Variants in UBXN7 observed in about 807,000 individuals in gnomAD.
UBXN7 encodes the protein UBX domain protein 7.
UBXN7 carries 9 observed loss-of-function variants against 58.0 expected under a neutral mutation model. The ratio of observed to expected loss-of-function variants is 0.16; its 90% confidence interval spans 0.09 to 0.27. The LOEUF is 0.27. UBXN7 is among the 10% of genes least tolerant of loss of function. UBXN7 has a pLI of 1.00. For synonymous variants in UBXN7, 208 were observed against 205.0 expected, an observed-to-expected ratio of 1.01 and a Z score of -0.12; for missense variants, 328 against 599.6, an observed-to-expected ratio of 0.55 and a Z score of 4.73.
intron 4 of UBXN7, among the ~76,000 whole-genome samples, chr3:196,393,312 T>C (rs1729642019): frequency 6.6e-6 from 1 of 152,240 alleles, no homozygotes; most frequent in African/African-American, 2.4e-5. Context: ...CACAAGCGAA[T>C]TAAGTTTATC....
At chr3:196,402,124 A>G (rs1730014863) in intron 3 of UBXN7, among the ~76,000 whole-genome samples, 1 of 152,070 alleles carries the variant, frequency 6.6e-6, no homozygotes, top group Non-Finnish European at 1.5e-5. Flanking sequence ...CGGTTTAAGC[A>G]ATTCTCATGC....
chr3:196,385,111 T>C (rs1424117134), intron 5 of UBXN7, among the ~76,000 whole-genome samples: 1 of 152,200 alleles, frequency 6.6e-6, no homozygotes, highest in Non-Finnish European at 1.5e-5. Flanking sequence ...TGCCTGATTC[T>C]CCTGCCTCAG....
chr3:196,394,923 A>G (rs1729723427), intron 3 of UBXN7, among the ~76,000 whole-genome samples: 1 of 152,238 alleles, frequency 6.6e-6, no homozygotes, highest in African/African-American at 2.4e-5. Flanking sequence ...CTACCCCTGT[A>G]GAGTGTCTAT....
At chr3:196,422,616 T>C (rs1270613577) in intron 1 of UBXN7, among the ~76,000 whole-genome samples, 1 of 152,226 alleles carries the variant, frequency 6.6e-6, no homozygotes, top group Non-Finnish European at 1.5e-5. Context: ...GTCAAATTCC[T>C]GGCCTAGAGC....
At chr3:196,390,223 A>G (rs921041725) in intron 5 of UBXN7, among the ~76,000 whole-genome samples, 1 of 151,958 alleles carries the variant, frequency 6.6e-6, no homozygotes, top group Non-Finnish European at 1.5e-5. Context: ...TGTCTCAAAA[A>G]AAAAAGACAA....
chr3:196,377,311 G>A (rs1163993793), intron 5 of UBXN7, among the ~76,000 whole-genome samples: 1 of 152,124 alleles, frequency 6.6e-6, no homozygotes, highest in Non-Finnish European at 1.5e-5. Context: ...CTTCTTGACG[G>A]TACCAGCTCT....
intron 3 of UBXN7, among the ~76,000 whole-genome samples, chr3:196,394,796 T>C (rs959392266): frequency 7.2e-5 from 11 of 152,138 alleles, no homozygotes; most frequent in Non-Finnish European, 1.5e-5. Context: ...AGGGATTGGA[T>C]TGGACCCACG....
At position 196,391,488 on chromosome 3, in the gene UBXN7, T is replaced by C. The variant is rs1729580258; in HGVS notation, c.468+325A>G. On this transcript the variant is annotated intron_variant, in intron 5 of 10. Coordinates refer to ENST00000296328, the MANE Select transcript of UBXN7 (RefSeq NM_015562.2). ...GCTCACACCTATAATCCAAGCAGTT[T>C]GGGAGGCTGAGGCAAGAGGATTGCT... Among the ~76,000 whole-genome samples the C allele has an allele frequency of 2.0e-5, 3 of 151,966 alleles. No individual in the cohort carries two copies. The South Asian group carries it at 6.2e-4, about 32-fold the overall frequency.
intron 6 of UBXN7, among the ~76,000 whole-genome samples, chr3:196,371,567 CGCTACCCGG>C (rs1728833027): frequency 6.6e-6 from 1 of 152,070 alleles, no homozygotes; most frequent in Non-Finnish European, 1.5e-5. Context: ...CTGCAGTCTC[CGCTACCCGG>C]GTTCAAGTGA....
intron 5 of UBXN7, among the ~76,000 whole-genome samples, chr3:196,383,568 A>C (rs1245162014): frequency 6.6e-6 from 1 of 152,214 alleles, no homozygotes; most frequent in Admixed American, 6.5e-5. Context: ...TCCTCAGCAA[A>C]TGCAAAAGAA....
At chr3:196,372,281 T>C (rs1326773843) in intron 5 of UBXN7, among the ~76,000 whole-genome samples, 1 of 151,602 alleles carries the variant, frequency 6.6e-6, no homozygotes, top group South Asian at 2.1e-4. Context: ...TTTATCCAGT[T>C]ATTTGTTATA....
At chr3:196,391,971 T>G in intron 4 of UBXN7, 46 bp from the exon 5 acceptor site, 2 of 448,020 alleles carry the variant, frequency 4.5e-6, no homozygotes, top group South Asian at 2.9e-5. Flanking sequence ...TAATCATGAA[T>G]CACACTGAAA....
In UBXN7 at chr3:196,407,024, G is replaced by A. The variant is rs572081668; in HGVS notation, c.221+222C>T. Reference sequence around the variant, plus strand: ...ACACTCCAACCAACCCCATCTCCCCGACTTCACAGAGCCTACACGGTTCCT... The same window carrying A: ...ACACTCCAACCAACCCCATCTCCCCAACTTCACAGAGCCTACACGGTTCCT... On this transcript the variant is annotated intron_variant, in intron 2 of 10. Transcript: ENST00000296328. 8.5e-5 allele frequency among the ~76,000 whole-genome samples: 13 copies of A among 152,138 alleles called. No homozygotes were observed. The East Asian group carries it at 1.6e-3, about 18-fold the overall frequency.
At chr3:196,377,820 A>G (rs903413531) in intron 5 of UBXN7, among the ~76,000 whole-genome samples, 1 of 151,848 alleles carries the variant, frequency 6.6e-6, no homozygotes, top group African/African-American at 2.4e-5. Context: ...ACAGGTGTGC[A>G]CCACCACGTC....
Position 196,348,923 on chromosome 3 carries a change from C to CAAACAAAACAAAACAAAACAAAACA in UBXN7, c.*7737_*7761dup, listed in dbSNP as rs368311889. On this transcript the variant is annotated 3_prime_UTR_variant, in exon 11 of 11. Coordinates refer to ENST00000296328, the MANE Select transcript of UBXN7 (RefSeq NM_015562.2). ...CTCGAAAAAGGACTTTCCTGAAGGGCAAACAAAACAAAACAAAACAAAACA... is the reference window on the plus strand; with the variant it reads ...CTCGAAAAAGGACTTTCCTGAAGGGCAAACAAAACAAAACAAAACAAAACAAAACAAAACAAAACAAAACAAAACA... The CAAACAAAACAAAACAAAACAAAACA allele has an allele frequency of 4.6e-5, 7 of 151,530 alleles. No individual in the cohort carries two copies. Among genetic ancestry groups the CAAACAAAACAAAACAAAACAAAACA allele is most frequent in the African/African-American group, 1.7e-4 (7 of 41,096 alleles). 9.4% of individuals were successfully genotyped at this position (151,530 alleles called of 1,614,324 possible). A position where few individuals can be genotyped will look rare whatever the true frequency, so the allele number is the denominator to read the frequency against.
At chr3:196,424,082 G>A (rs1389182859) in intron 1 of UBXN7, among the ~76,000 whole-genome samples, 1 of 151,648 alleles carries the variant, frequency 6.6e-6, no homozygotes, top group Non-Finnish European at 1.5e-5. Flanking sequence ...GTGGAGACAG[G>A]GTTTCACCAT....
chr3:196,389,962 T>C (rs1041153596), intron 5 of UBXN7, among the ~76,000 whole-genome samples: 1 of 152,204 alleles, frequency 6.6e-6, no homozygotes, highest in Non-Finnish European at 1.5e-5. Context: ...CTCATGCCTG[T>C]AATCCCAGCA....
rs756187610 is a variant in UBXN7 at position 196,391,799 on chromosome 3, C to T, written c.468+14G>A. 2 of 1,583,488 alleles carry T rather than the reference C, an allele frequency of 1.3e-6. No homozygotes were observed. The highest frequency in any genetic ancestry group is 1.2e-5 in the South Asian group (1 of 86,942). On this transcript the variant is annotated intron_variant, in intron 5 of 10. Transcript: ENST00000296328. ...AGGATTCATAGTTAAGGCACTGACT[C>T]TCCAACAACTTACTGTTTCAAAGCT...
chr3:196,352,505 C>G lies in UBXN7; in HGVS notation c.*4180G>C, dbSNP rs540252042. On this transcript the variant is annotated 3_prime_UTR_variant, in exon 11 of 11. Transcript: ENST00000296328. This position sits in a 1 kb window ranked among gnomAD's most constrained non-coding sequence, Gnocchi z 4.1. The stretch of plus-strand genomic sequence containing the variant: ...AGGTGATCCACCCACCTCGGCCTCC[C>G]AAAATATTGGGATTACAGGCATGAG... The G allele has an allele frequency of 6.6e-6, 1 of 152,144 alleles. No individual in the cohort carries two copies. Among genetic ancestry groups the G allele is most frequent in the South Asian group, 2.1e-4 (1 of 4,806 alleles). The allele number at this position is 152,144 out of a possible 1,614,324, so 9.4% of individuals were successfully genotyped here. A position where few individuals can be genotyped will look rare whatever the true frequency, so the allele number is the denominator to read the frequency against.
Sources: allele counts gnomAD v4.1 joint callset (sites outside exome capture counted in the v4.1 genomes callset), GRCh38; gene constraint gnomAD v4.1.1; non-coding constraint Gnocchi (gnomAD v3.1); transcripts MANE v1.5; gene names NCBI Gene and HGNC (gene_info 2026-07-23, HGNC 2026-07-21).